The following ARHGAP24 variants were observed in gnomAD, a reference collection of about 807,000 sequenced individuals.
ARHGAP24 encodes Rho GTPase activating protein 24.
In ARHGAP24, 50 loss-of-function variants were observed where a neutral mutation model predicts 76.4. The observed-to-expected ratio is 0.65, with a 90% CI of 0.52 to 0.83. ARHGAP24 has a LOEUF of 0.83. ARHGAP24 is among the 40% of genes least tolerant of loss of function. ARHGAP24 has a pLI of 0.00. For missense variants in ARHGAP24, 930 were observed against 914.2 expected, an observed-to-expected ratio of 1.02 and a Z score of -0.22; for synonymous variants, 345 against 323.3, an observed-to-expected ratio of 1.07 and a Z score of -0.72.
intron 3 of ARHGAP24, among the ~76,000 whole-genome samples, chr4:85,831,553 C>T (rs1182763724): frequency 1.3e-5 from 2 of 152,168 alleles, no homozygotes; most frequent in African/African-American, 4.8e-5. Context: ...TTTCATTTGA[C>T]TGATAACTTA....
chr4:85,672,808 C>T (rs1488796926), intron 2 of ARHGAP24, among the ~76,000 whole-genome samples: 4 of 152,206 alleles, frequency 2.6e-5, no homozygotes, highest in Admixed American at 6.5e-5. Flanking sequence ...TTCTTGCATT[C>T]TCAAAGGCTG....
intron 2 of ARHGAP24, among the ~76,000 whole-genome samples, chr4:85,621,775 T>C (rs183745458): frequency 1.2e-4 from 18 of 152,254 alleles, no homozygotes; most frequent in East Asian, 1.2e-3. Flanking sequence ...TTAATTAGGT[T>C]ATAATTGTCA....
intron 2 of ARHGAP24, among the ~76,000 whole-genome samples, chr4:85,695,711 GT>G (rs1723842019): frequency 6.6e-6 from 1 of 152,020 alleles, no homozygotes; most frequent in African/African-American, 2.4e-5. Flanking sequence ...AGAGATGAAT[GT>G]TTTCAAATTA....
chr4:85,683,817 A>G (rs1013238802), intron 2 of ARHGAP24, among the ~76,000 whole-genome samples: 1 of 152,100 alleles, frequency 6.6e-6, no homozygotes, highest in South Asian at 2.1e-4. Context: ...TCTGAGTTTG[A>G]CTATTTTTGA....
At chr4:85,785,078 A>C (rs544087227) in intron 3 of ARHGAP24, among the ~76,000 whole-genome samples, 62 of 152,222 alleles carry the variant, frequency 4.1e-4, no homozygotes, top group African/African-American at 1.4e-3. Context: ...AGAGGCTGTA[A>C]AGTTGAATTT....
chr4:85,886,936 A>G (rs1173946089), intron 3 of ARHGAP24, among the ~76,000 whole-genome samples: 3 of 152,158 alleles, frequency 2.0e-5, no homozygotes, highest in Admixed American at 6.5e-5. Context: ...TTTATTATAT[A>G]TAAGCTGTTC....
chr4:85,596,251 A>C (rs760704767), intron 2 of ARHGAP24, among the ~76,000 whole-genome samples: 3 of 152,006 alleles, frequency 2.0e-5, no homozygotes, highest in Non-Finnish European at 4.4e-5. Flanking sequence ...GGATTTCTAC[A>C]TACTTTGCTA....
chr4:85,588,822 A>G (rs1727968978), intron 2 of ARHGAP24, among the ~76,000 whole-genome samples: 1 of 152,202 alleles, frequency 6.6e-6, no homozygotes, highest in Non-Finnish European at 1.5e-5. Flanking sequence ...TCTAACATGC[A>G]TAGGAAGAGT....
At chr4:85,624,187 GT>G (rs989091188) in intron 2 of ARHGAP24, among the ~76,000 whole-genome samples, 5 of 152,252 alleles carry the variant, frequency 3.3e-5, no homozygotes, top group African/African-American at 1.2e-4. Flanking sequence ...AATGCTTCCA[GT>G]TTTTGCCCAT....
intron 3 of ARHGAP24, among the ~76,000 whole-genome samples, chr4:85,877,114 G>A (rs1732979851): frequency 6.6e-6 from 1 of 151,896 alleles, no homozygotes; most frequent in Non-Finnish European, 1.5e-5. Flanking sequence ...CTATCTTTTT[G>A]TTTTCTTATA....
chr4:85,573,476 G>C (rs190815878), intron 2 of ARHGAP24, among the ~76,000 whole-genome samples: 1 of 152,288 alleles, frequency 6.6e-6, no homozygotes, highest in Admixed American at 6.5e-5. Flanking sequence ...AGTGGAATGT[G>C]TCTAGAGCCA....
At chr4:85,834,190 A>AAAAGAATT (rs1214116263) in intron 3 of ARHGAP24, among the ~76,000 whole-genome samples, 1 of 152,160 alleles carries the variant, frequency 6.6e-6, no homozygotes, top group African/African-American at 2.4e-5. Flanking sequence ...AGAGAGAATA[A>AAAAGAATT]AAAGAATTAA....
At chr4:85,905,656 TCCCTGAG>T (rs1481211916) in intron 3 of ARHGAP24, among the ~76,000 whole-genome samples, 1 of 152,172 alleles carries the variant, frequency 6.6e-6, no homozygotes, top group Non-Finnish European at 1.5e-5. Flanking sequence ...ATCAGTCTTC[TCCCTGAG>T]CTTCTGTTGC....
chr4:85,636,689 A>G (rs902857304), intron 2 of ARHGAP24, among the ~76,000 whole-genome samples: 5 of 151,996 alleles, frequency 3.3e-5, no homozygotes, highest in Non-Finnish European at 7.4e-5. Context: ...ACAATTTGGA[A>G]TTATTATCAG....
intron 3 of ARHGAP24, among the ~76,000 whole-genome samples, chr4:85,912,255 T>A (rs1416225860): frequency 6.6e-6 from 1 of 152,182 alleles, no homozygotes; most frequent in Non-Finnish European, 1.5e-5. Flanking sequence ...AAATGATGTA[T>A]GTTCTATGAA....
In ARHGAP24 at chr4:85,973,833, G is replaced by GTTTTTTTTTTTTTTTTTT. The variant is rs1199796194; in HGVS notation, c.733-1045_733-1028dup. 2.6e-4 allele frequency among the ~76,000 whole-genome samples: 11 copies of GTTTTTTTTTTTTTTTTTT among 42,820 alleles called. 2 individuals carry two copies. The highest frequency in any genetic ancestry group is 9.5e-4 in the African/African-American group (9 of 9,512). 28.1% of individuals were successfully genotyped at this position (42,820 alleles called of 152,430 possible). A position where few individuals can be genotyped will look rare whatever the true frequency, so the allele number is the denominator to read the frequency against. On this transcript the variant is annotated intron_variant, in intron 6 of 9. Transcript: ENST00000395184. Reference sequence around the variant, plus strand: ...CTCATGTCAAAAACTGCTGCCTATTGTTTTTTTTTTTTTTTTTTTTTTTTT... The same window carrying GTTTTTTTTTTTTTTTTTT: ...CTCATGTCAAAAACTGCTGCCTATTGTTTTTTTTTTTTTTTTTTTTTTTTTTTTTTTTTTTTTTTTTTT...
At chr4:85,656,576 T>A (rs1018246435) in intron 2 of ARHGAP24, among the ~76,000 whole-genome samples, 2 of 152,274 alleles carry the variant, frequency 1.3e-5, no homozygotes, top group African/African-American at 4.8e-5. Flanking sequence ...CAAGCGATTC[T>A]CCTGCCTCAG....
chr4:85,836,023 C>T (rs531390039), intron 3 of ARHGAP24, among the ~76,000 whole-genome samples: 4 of 152,302 alleles, frequency 2.6e-5, no homozygotes, highest in African/African-American at 9.6e-5. Flanking sequence ...GGAATTCAGA[C>T]TTGGCAGTGC....
At chr4:85,782,942 A>C (rs4693737) in intron 3 of ARHGAP24, among the ~76,000 whole-genome samples, 36,930 of 152,094 alleles carry the variant, frequency 0.24, 4,712 homozygotes, top group Middle Eastern at 0.3. Flanking sequence ...TGATGTTAAA[A>C]CTGCTATGTT....
Sources: gnomAD v4.1 joint callset for allele counts (sites outside exome capture counted in the v4.1 genomes callset) on GRCh38, gnomAD v4.1.1 for gene constraint, MANE v1.5 for transcripts, NCBI Gene and HGNC (gene_info 2026-07-23, HGNC 2026-07-21) for gene names.